The following MICU1 variants were observed in gnomAD, a reference collection of about 807,000 sequenced individuals.
The protein encoded by MICU1 is calcium uptake protein 1, mitochondrial.
MICU1 carries 45 observed loss-of-function variants against 56.8 expected under a neutral mutation model. The observed-to-expected ratio is 0.79, with a 90% confidence interval of 0.62 to 1.02. The LOEUF (loss-of-function observed/expected upper bound fraction) is 1.02. MICU1 is among the 50% of genes least tolerant of loss of function. The pLI is 0.00. For synonymous variants in MICU1, 186 were observed against 195.1 expected (o/e 0.95, Z 0.39); for missense variants, 504 against 587.1 (o/e 0.86, Z 1.46).
intron 5 of MICU1, chr10:72,509,553 C>G: frequency 1.8e-6 from 1 of 569,824 alleles, no homozygotes; most frequent in Non-Finnish European, 2.9e-6. Flanking sequence ...TTTACTTGTT[C>G]ATAAGAAACA....
chr10:72,504,897 A>T (rs188539380), intron 6 of MICU1, among the ~76,000 whole-genome samples: 2 of 152,242 alleles, frequency 1.3e-5, no homozygotes, highest in East Asian at 3.9e-4. Flanking sequence ...ACTAATCATC[A>T]GAGAAATGCA....
chr10:72,378,699 C>T (rs1013462610), intron 10 of MICU1, among the ~76,000 whole-genome samples: 13 of 152,146 alleles, frequency 8.5e-5, no homozygotes, highest in African/African-American at 2.9e-4. Flanking sequence ...CAAGGTAATG[C>T]GGTAGAAAAC....
At chr10:72,542,912 T>C (rs1014623706) in intron 4 of MICU1, among the ~76,000 whole-genome samples, 10 of 152,190 alleles carry the variant, frequency 6.6e-5, no homozygotes, top group African/African-American at 2.4e-4. Context: ...AGGGATGGGA[T>C]GGGCAGGTAA....
chr10:72,524,498 CA>C (rs1867911301), intron 5 of MICU1, among the ~76,000 whole-genome samples: 1 of 152,196 alleles, frequency 6.6e-6, no homozygotes, highest in African/African-American at 2.4e-5. Flanking sequence ...TTGTGTAACA[CA>C]TAATGTTAAA....
chr10:72,408,964 A>G (rs1450524435), intron 9 of MICU1, among the ~76,000 whole-genome samples: 5 of 152,146 alleles, frequency 3.3e-5, no homozygotes, highest in African/African-American at 1.2e-4. Flanking sequence ...AACGGTTTAA[A>G]GATTTGCTGA....
In MICU1 at chr10:72,458,654, C is replaced by T. The variant is rs192988751; in HGVS notation, c.933+16446G>A. 9.3e-4 allele frequency among the ~76,000 whole-genome samples: 141 copies of T among 151,656 alleles called. 1 individual carries two copies. The highest frequency in any genetic ancestry group is 3.5e-3 in the Middle Eastern group (1 of 284). ...TAGGTCAATGATTCTTTCTTAACTC[C>T]TCTTCTAATAAGGCTCCCAGGGTCA... On this transcript the variant is annotated intron_variant, in intron 8 of 11. Transcript: ENST00000361114.
chr10:72,491,107 G>A (rs937178638), intron 6 of MICU1, among the ~76,000 whole-genome samples: 2 of 152,212 alleles, frequency 1.3e-5, no homozygotes, highest in East Asian at 3.8e-4. Context: ...CGATGACCCT[G>A]TCTGTGAGAC....
intron 10 of MICU1, among the ~76,000 whole-genome samples, chr10:72,390,558 T>C (rs969454246): frequency 6.6e-6 from 1 of 152,192 alleles, no homozygotes; most frequent in Non-Finnish European, 1.5e-5. Flanking sequence ...ACAATGCTGT[T>C]TGGAAAATTC....
chr10:72,453,071 G>T (rs1261657991), intron 8 of MICU1, among the ~76,000 whole-genome samples: 1 of 152,136 alleles, frequency 6.6e-6, no homozygotes, highest in Non-Finnish European at 1.5e-5. Flanking sequence ...TGTAAAATGT[G>T]ATTAGCTTTA....
chr10:72,512,642 G>A (rs1295894385), intron 5 of MICU1, among the ~76,000 whole-genome samples: 1 of 152,084 alleles, frequency 6.6e-6, no homozygotes, highest in African/African-American at 2.4e-5. Context: ...ATGTACTAAG[G>A]AGAGGAACTG....
intron 1 of MICU1, among the ~76,000 whole-genome samples, chr10:72,594,985 A>G (rs1841335336): frequency 6.6e-6 from 1 of 151,892 alleles, no homozygotes; most frequent in South Asian, 2.1e-4. Context: ...AAAATCGAAT[A>G]CAAGACTTAG....
intron 1 of MICU1, among the ~76,000 whole-genome samples, chr10:72,572,318 C>T (rs941700895): frequency 3.9e-5 from 6 of 152,158 alleles, no homozygotes; most frequent in African/African-American, 1.4e-4. Flanking sequence ...CAATCCATTT[C>T]TATATGCTAT....
chr10:72,448,191 A>ATTTTTT (rs879641500), intron 8 of MICU1, among the ~76,000 whole-genome samples: 15 of 39,504 alleles, frequency 3.8e-4, no homozygotes, highest in Admixed American at 8.5e-4. Context: ...ATATATATAT[A>ATTTTTT]TATTTTTTTT....
chr10:72,527,697 T>C (rs538886770), intron 5 of MICU1, among the ~76,000 whole-genome samples: 28 of 152,262 alleles, frequency 1.8e-4, no homozygotes, highest in African/African-American at 6.0e-4. Context: ...CAGCTTAAGA[T>C]AGTGGTTGTG....
intron 9 of MICU1, among the ~76,000 whole-genome samples, 194 bp from the exon 10 acceptor site, chr10:72,408,231 G>T (rs1249253571): frequency 6.6e-6 from 1 of 152,186 alleles, no homozygotes; most frequent in Non-Finnish European, 1.5e-5. Flanking sequence ...CCTGAGAAAG[G>T]CAAACTGGCT....
chr10:72,502,180 A>C (rs1245653003), intron 6 of MICU1, among the ~76,000 whole-genome samples: 1 of 137,278 alleles, frequency 7.3e-6, no homozygotes, highest in African/African-American at 2.8e-5. Context: ...TTTTTGAGTC[A>C]GTCTCGCTCT....
chr10:72,372,923 A>G (rs1187537611), intron 11 of MICU1, among the ~76,000 whole-genome samples: 1 of 151,806 alleles, frequency 6.6e-6, no homozygotes, highest in South Asian at 2.1e-4. Flanking sequence ...CAAAAAAAAA[A>G]AAAAAAGAAA....
intron 5 of MICU1, among the ~76,000 whole-genome samples, chr10:72,511,524 A>G (rs996509030): frequency 6.6e-5 from 10 of 152,238 alleles, no homozygotes; most frequent in African/African-American, 2.4e-4. Flanking sequence ...AACGCCTATC[A>G]CTATAGTTAG....
chr10:72,404,063 C>T (rs887280751), intron 10 of MICU1, among the ~76,000 whole-genome samples: 1 of 151,776 alleles, frequency 6.6e-6, no homozygotes, highest in Non-Finnish European at 1.5e-5. Flanking sequence ...GATCTCAGCT[C>T]AGTGTAACCT....
Sources: allele counts gnomAD v4.1 joint callset (sites outside exome capture counted in the v4.1 genomes callset), GRCh38; gene constraint gnomAD v4.1.1; transcripts MANE v1.5; gene names NCBI Gene and HGNC (gene_info 2026-07-23, HGNC 2026-07-21).